The following CDKAL1 variants were observed in gnomAD, a reference collection of about 807,000 sequenced individuals.
The protein encoded by CDKAL1 is CDKAL1 threonylcarbamoyladenosine tRNA methylthiotransferase.
Under a neutral mutation model 68.2 loss-of-function variants are expected in CDKAL1, and 32 were observed. The ratio of observed to expected loss-of-function variants is 0.47; its 90% CI spans 0.35 to 0.63. CDKAL1 has a LOEUF of 0.63. Among genes scored for constraint, CDKAL1 ranks in the 30% least tolerant of loss-of-function variants. CDKAL1 has a pLI of 0.00. For missense variants in CDKAL1, 606 were observed against 696.7 expected (o/e 0.87, Z 1.47); for synonymous variants, 234 against 244.3 (o/e 0.96, Z 0.39).
intron 9 of CDKAL1, among the ~76,000 whole-genome samples, chr6:20,933,971 C>T (rs568023674): frequency 1.1e-3 from 167 of 150,310 alleles, no homozygotes; most frequent in Admixed American, 4.4e-3. Flanking sequence ...TTACTAATGC[C>T]GGTAACATTC....
intron 8 of CDKAL1, among the ~76,000 whole-genome samples, chr6:20,837,893 C>T (rs887269896): frequency 1.3e-5 from 2 of 149,082 alleles, no homozygotes; most frequent in African/African-American, 4.9e-5. Flanking sequence ...CAAAACCAAA[C>T]AAACCAGACA....
At chr6:20,746,587 G>C (rs1773673213) in intron 6 of CDKAL1, among the ~76,000 whole-genome samples, 1 of 152,196 alleles carries the variant, frequency 6.6e-6, no homozygotes, top group African/African-American at 2.4e-5. Context: ...TGGCTTAATA[G>C]AGAAGTTAAT....
At chr6:20,540,090 T>TTTTTTTTTTTTTTA (rs1763329598) in intron 2 of CDKAL1, among the ~76,000 whole-genome samples, 1 of 151,002 alleles carries the variant, frequency 6.6e-6, no homozygotes, top group Non-Finnish European at 1.5e-5. Flanking sequence ...TTTTTTTTTT[T>TTTTTTTTTTTTTTA]TGAGACAGAG....
Position 20,649,337 on chromosome 6 carries a change from G to C in CDKAL1, c.331G>C (p.Val111Leu). 1.9e-6 allele frequency: 3 copies of C among 1,607,144 alleles called. No individual in the cohort carries two copies. Among genetic ancestry groups the C allele is most frequent in the Non-Finnish European group, 2.5e-6 (3 of 1,178,208 alleles). ...ADLWLLNSCT[V>L]KNPAEDHFRN... ...TTTATGGCTCCTGAACAGTTGCACT[G>C]TAAAAAACCCAGCTGAAGACCACTT... Residue 111 changes from valine (V) to leucine (L), a missense_variant, in exon 5 of 16, where the codon GTA becomes CTA. Coordinates refer to ENST00000274695, the MANE Select transcript of CDKAL1 (RefSeq NM_017774.3).
chr6:21,122,741 A>G (rs144656937), intron 13 of CDKAL1, among the ~76,000 whole-genome samples: 168 of 151,708 alleles, frequency 1.1e-3, no homozygotes, highest in African/African-American at 3.4e-3. Context: ...GGTTCAAGCA[A>G]TCCCCCCACA....
chr6:20,902,062 G>A (rs564161032), intron 9 of CDKAL1, among the ~76,000 whole-genome samples: 9 of 147,172 alleles, frequency 6.1e-5, no homozygotes, highest in East Asian at 4.1e-4. Context: ...TCAGCTGTCC[G>A]TCTACAGTAA....
intron 10 of CDKAL1, among the ~76,000 whole-genome samples, chr6:20,999,318 C>T (rs919317120): frequency 1.3e-5 from 2 of 151,372 alleles, no homozygotes; most frequent in East Asian, 1.9e-4. Context: ...AATCGATGAC[C>T]TGACAGCATG....
At chr6:21,183,156 C>G (rs1777859247) in intron 13 of CDKAL1, among the ~76,000 whole-genome samples, 1 of 149,322 alleles carries the variant, frequency 6.7e-6, no homozygotes, top group Non-Finnish European at 1.5e-5. Flanking sequence ...TTTTTTCCAG[C>G]ATAATTCGTC....
chr6:20,558,408 T>A (rs1764143365), intron 4 of CDKAL1: 1 of 402,176 alleles, frequency 2.5e-6, no homozygotes, highest in Non-Finnish European at 5.0e-6. Flanking sequence ...GGTGATAAAT[T>A]AATTTGGAGA....
At chr6:21,026,111 G>A (rs1273549626) in intron 11 of CDKAL1, among the ~76,000 whole-genome samples, 2 of 152,086 alleles carry the variant, frequency 1.3e-5, no homozygotes, top group African/African-American at 4.8e-5. Context: ...TGCAAGGAGT[G>A]TGGTTATTAG....
At chr6:20,739,903 C>T (rs923167425) in intron 6 of CDKAL1, among the ~76,000 whole-genome samples, 3 of 152,204 alleles carry the variant, frequency 2.0e-5, no homozygotes, top group Non-Finnish European at 4.4e-5. Flanking sequence ...CTGTTACCAT[C>T]GCTTTCCAAG....
rs759645179 is a variant in CDKAL1 at position 20,950,072 on chromosome 6, G to A, written c.743-5347G>A. 3.9e-5 allele frequency among the ~76,000 whole-genome samples: 6 copies of A among 152,052 alleles called. No homozygotes were observed. In the East Asian group the frequency reaches 5.8e-4, roughly 15 times the overall value. On this transcript the variant is annotated intron_variant, in intron 9 of 15. Transcript: ENST00000274695. ...CCCAAAGTGCTAGGATGGCAGGCAC[G>A]AGCGCCCGGCCTCAAAGAGGTATTT...
chr6:20,702,250 C>T (rs561061448), intron 5 of CDKAL1, among the ~76,000 whole-genome samples: 2 of 152,230 alleles, frequency 1.3e-5, no homozygotes, highest in East Asian at 3.9e-4. Context: ...GGGCTCTGAC[C>T]CCATGGCAGT....
chr6:20,697,198 T>C (rs2127810513), intron 5 of CDKAL1, among the ~76,000 whole-genome samples: 1 of 152,292 alleles, frequency 6.6e-6, no homozygotes, highest in African/African-American at 2.4e-5. Flanking sequence ...TGAAATAAAC[T>C]GATTTTTTAA....
intron 15 of CDKAL1, among the ~76,000 whole-genome samples, chr6:21,218,933 G>C (rs1199354374): frequency 1.3e-5 from 2 of 152,140 alleles, no homozygotes; most frequent in African/African-American, 2.4e-5. Context: ...AGTAACATAA[G>C]TAATTAAGTT....
chr6:21,144,901 CA>C (rs1201708347), intron 13 of CDKAL1, among the ~76,000 whole-genome samples: 1 of 152,164 alleles, frequency 6.6e-6, no homozygotes, highest in Non-Finnish European at 1.5e-5. Context: ...CCTAGCTTTA[CA>C]TATTTTCTAA....
At chr6:20,790,368 C>T (rs548730733) in intron 8 of CDKAL1, among the ~76,000 whole-genome samples, 10 of 152,192 alleles carry the variant, frequency 6.6e-5, no homozygotes, top group African/African-American at 2.2e-4. Flanking sequence ...GGAACCAAAA[C>T]AAAACCCATA....
chr6:20,847,345 A>G (rs1778412403), intron 9 of CDKAL1, among the ~76,000 whole-genome samples: 1 of 152,204 alleles, frequency 6.6e-6, no homozygotes, highest in South Asian at 2.1e-4. Flanking sequence ...AGGATTTTTT[A>G]AAAGGAGAAA....
At chr6:20,604,714 A>G (rs961847614) in intron 4 of CDKAL1, among the ~76,000 whole-genome samples, 5 of 152,124 alleles carry the variant, frequency 3.3e-5, no homozygotes, top group African/African-American at 1.2e-4. Context: ...GAATACTCCT[A>G]ATGCTAATTG....
Sources: gnomAD v4.1 joint callset for allele counts (sites outside exome capture counted in the v4.1 genomes callset) on GRCh38, gnomAD v4.1.1 for gene constraint, MANE v1.5 for transcripts, NCBI Gene and HGNC (gene_info 2026-07-23, HGNC 2026-07-21) for gene names.